Variants in METAP1D observed in about 807,000 individuals in gnomAD.
The protein encoded by METAP1D is methionyl aminopeptidase type 1D, mitochondrial.
METAP1D carries 31 observed loss-of-function variants against 40.5 expected under a neutral mutation model. The observed-to-expected ratio is 0.77, with a 90% CI of 0.58 to 1.03. The LOEUF (loss-of-function observed/expected upper bound fraction) is 1.03. Among genes scored for constraint, METAP1D ranks in the 50% least tolerant of loss-of-function variants. The probability of loss-of-function intolerance (pLI) is 0.00; values close to 1 mark genes in which losing one functional copy is unlikely to be tolerated. For missense variants in METAP1D, 411 were observed against 420.7 expected (o/e 0.98, Z 0.20); for synonymous variants, 151 against 146.4 (o/e 1.03, Z -0.22).
At chr2:172,028,558 G>C (rs952516236) in intron 1 of METAP1D, among the ~76,000 whole-genome samples, 1 of 121,438 alleles carries the variant, frequency 8.2e-6, no homozygotes, top group Non-Finnish European at 1.7e-5. Context: ...GTGTGTGTGT[G>C]TGTGTGTGTG....
At chr2:172,017,637 C>T (rs1688906737) in intron 1 of METAP1D, among the ~76,000 whole-genome samples, 1 of 151,134 alleles carries the variant, frequency 6.6e-6, no homozygotes, top group Non-Finnish European at 1.5e-5. Flanking sequence ...CATGGATAGT[C>T]TTCAAAGATT....
intron 1 of METAP1D, among the ~76,000 whole-genome samples, chr2:172,049,933 G>A (rs1352566011): frequency 6.6e-6 from 1 of 152,196 alleles, no homozygotes; most frequent in South Asian, 2.1e-4. Context: ...ACCACGATAA[G>A]ATTGATATTC....
At chr2:172,055,317 T>TG (rs1689979787) in intron 1 of METAP1D, among the ~76,000 whole-genome samples, 1 of 152,220 alleles carries the variant, frequency 6.6e-6, no homozygotes, top group African/African-American at 2.4e-5. Flanking sequence ...AGTTATAAGG[T>TG]ATCAGCAGTG....
intron 3 of METAP1D, among the ~76,000 whole-genome samples, chr2:172,065,239 C>T (rs566042512): frequency 3.9e-4 from 60 of 152,262 alleles, no homozygotes; most frequent in African/African-American, 1.4e-3. Flanking sequence ...TATTCACATG[C>T]GCTGGGTAGC....
At chr2:172,076,315 C>G (rs1223360844) in intron 6 of METAP1D, among the ~76,000 whole-genome samples, 9 of 140,788 alleles carry the variant, frequency 6.4e-5, no homozygotes, top group African/African-American at 2.4e-4. Flanking sequence ...AGAAACTGTT[C>G]CTGTAAAAAA....
In METAP1D at chr2:172,044,888, C is replaced by CA. The variant is rs200648163; in HGVS notation, c.41-16602dup. Among the ~76,000 whole-genome samples the CA allele has an allele frequency of 3.0e-4, 32 of 107,812 alleles. 4 individuals are homozygous for CA. The highest frequency in any genetic ancestry group is 4.2e-4 in the East Asian group (2 of 4,718). The allele number at this position is 107,812 out of a possible 152,430, so 70.7% of individuals were successfully genotyped here. ...TGGGTGACAGAACGAGACTTTATCT[C>CA]AAAAAAAATAAATAAATAAATAAAT... On this transcript the variant is annotated intron_variant, in intron 1 of 9. Transcript: ENST00000315796.
intron 8 of METAP1D, 87 bp from the exon 9 acceptor site, chr2:172,080,041 A>G: frequency 8.1e-7 from 1 of 1,239,724 alleles, no homozygotes; most frequent in East Asian, 2.3e-5. Flanking sequence ...GAGGGAGGAG[A>G]AACTTCTCTT....
chr2:172,033,225 C>T (rs1376598458), intron 1 of METAP1D, among the ~76,000 whole-genome samples: 3 of 151,528 alleles, frequency 2.0e-5, no homozygotes, highest in Non-Finnish European at 4.4e-5. Context: ...GTGCTAGGGA[C>T]AAATTCATTT....
chr2:172,000,115 C>T, intron 1 of METAP1D, 106 bp downstream of exon 1: 1 of 990,068 alleles, frequency 1.0e-6, no homozygotes. Context: ...TCGGCGCACA[C>T]GACTGTACTT....
intron 1 of METAP1D, among the ~76,000 whole-genome samples, chr2:172,018,795 A>G (rs1428216680): frequency 6.7e-6 from 1 of 148,520 alleles, no homozygotes; most frequent in Non-Finnish European, 1.5e-5. Flanking sequence ...CCTCCTATTT[A>G]TCTTCCAGAA....
intron 5 of METAP1D, among the ~76,000 whole-genome samples, chr2:172,068,830 ATTCCTTCCT>A (rs1337248780): frequency 6.6e-6 from 1 of 150,824 alleles, no homozygotes; most frequent in Non-Finnish European, 1.5e-5. Flanking sequence ...TCATTTTGAT[ATTCCTTCCT>A]TCCTTCCTTC....
At chr2:172,079,358 C>A in intron 8 of METAP1D, 96 bp downstream of exon 8, 2 of 1,086,044 alleles carry the variant, frequency 1.8e-6, no homozygotes, top group Non-Finnish European at 2.8e-6. Context: ...ACCAATAAAG[C>A]CAATCAGTGT....
chr2:172,045,811 G>GTA (rs1689739367), intron 1 of METAP1D, among the ~76,000 whole-genome samples: 51 of 51,720 alleles, frequency 9.9e-4, no homozygotes, highest in African/African-American at 1.5e-3. Flanking sequence ...GTGTGTGTGT[G>GTA]TGTGTGTGTA....
chr2:172,048,794 A>G (rs146230954), intron 1 of METAP1D, among the ~76,000 whole-genome samples: 3,920 of 152,290 alleles, frequency 0.026, 64 homozygotes, highest in Non-Finnish European at 0.036. Context: ...GTATTGTGGC[A>G]ATATTAAAAA....
At chr2:172,036,795 G>GT (rs1689402811) in intron 1 of METAP1D, among the ~76,000 whole-genome samples, 1 of 152,008 alleles carries the variant, frequency 6.6e-6, no homozygotes, top group African/African-American at 2.4e-5. Context: ...TTCCAAGGTG[G>GT]TTGTACCAGT....
chr2:172,043,566 G>T (rs1290887080), intron 1 of METAP1D, among the ~76,000 whole-genome samples: 3 of 134,224 alleles, frequency 2.2e-5, no homozygotes, highest in Non-Finnish European at 5.2e-5. Flanking sequence ...GTTTTTTAAA[G>T]AAAAGTACGT....
intron 1 of METAP1D, among the ~76,000 whole-genome samples, chr2:172,016,066 G>T (rs1478442639): frequency 1.6e-4 from 24 of 147,626 alleles, no homozygotes; most frequent in African/African-American, 5.8e-4. Flanking sequence ...AGATCGGCCT[G>T]GCTAATATAG....
intron 1 of METAP1D, among the ~76,000 whole-genome samples, chr2:172,006,040 G>A (rs1300413665): frequency 6.6e-6 from 1 of 151,682 alleles, no homozygotes; most frequent in African/African-American, 2.4e-5. Flanking sequence ...ACATTATTAT[G>A]GAAAAGCAAG....
Position 172,041,723 on chromosome 2 carries a change from A to ATT in METAP1D, c.41-19772_41-19771dup, listed in dbSNP as rs1230722166. ...ACGTTTTAATTTCCTTACTCTAATTATTTTATATATATATATATATATATA... is the reference window on the plus strand; with the variant it reads ...ACGTTTTAATTTCCTTACTCTAATTATTTTTTATATATATATATATATATATA... On this transcript the variant is annotated intron_variant, in intron 1 of 9. Coordinates refer to ENST00000315796, the MANE Select transcript of METAP1D (RefSeq NM_199227.3). 2.7e-4 allele frequency among the ~76,000 whole-genome samples: 7 copies of ATT among 25,462 alleles called. 1 individual carries two copies. The highest frequency in any genetic ancestry group is 4.7e-4 in the Non-Finnish European group (5 of 10,544). The allele number at this position is 25,462 out of a possible 152,430, so 16.7% of individuals were successfully genotyped here.
Sources: gnomAD v4.1 joint callset for allele counts (sites outside exome capture counted in the v4.1 genomes callset) on GRCh38, gnomAD v4.1.1 for gene constraint, MANE v1.5 for transcripts, NCBI Gene and HGNC (gene_info 2026-07-23, HGNC 2026-07-21) for gene names.